The following SEC23A variants were observed in gnomAD, a reference collection of about 807,000 sequenced individuals.
SEC23A encodes protein transport protein Sec23A.
In SEC23A, 56 loss-of-function variants were observed where a neutral mutation model predicts 103.7. The ratio of observed to expected loss-of-function variants is 0.54; its 90% CI spans 0.44 to 0.67. The LOEUF (loss-of-function observed/expected upper bound fraction) is 0.67. Ranked by LOEUF, SEC23A falls within the 30% of genes least tolerant of loss-of-function variation. The probability of loss-of-function intolerance (pLI) is 0.00; values close to 1 mark genes in which losing one functional copy is unlikely to be tolerated. For missense variants in SEC23A, 784 were observed against 936.4 expected, an observed-to-expected ratio of 0.84 and a Z score of 2.12; for synonymous variants, 281 against 293.0, an observed-to-expected ratio of 0.96 and a Z score of 0.42.
chr14:39,102,182 A>C (rs1170768224), intron 1 of SEC23A, among the ~76,000 whole-genome samples: 1 of 151,908 alleles, frequency 6.6e-6, no homozygotes, highest in African/African-American at 2.4e-5. Flanking sequence ...CAGTGAGCCG[A>C]GATTGCGCCA....
chr14:39,040,599 A>G, intron 18 of SEC23A, 133 bp downstream of exon 18: 1 of 1,150,280 alleles, frequency 8.7e-7, no homozygotes. Flanking sequence ...GTAAGCACTG[A>G]TACCTTCCCC....
At chr14:39,044,827 T>C (rs1441831379) in intron 16 of SEC23A, among the ~76,000 whole-genome samples, 1 of 152,180 alleles carries the variant, frequency 6.6e-6, no homozygotes, top group African/African-American at 2.4e-5. Context: ...GTCTACAGAA[T>C]TATAATCACT....
Position 39,055,228 on chromosome 14 carries a change from A to G in SEC23A, c.1574T>C (p.Leu525Pro). The G allele has an allele frequency of 6.2e-7, 1 of 1,614,200 alleles. No individual in the cohort carries two copies. The highest frequency in any genetic ancestry group is 8.5e-7 in the Non-Finnish European group (1 of 1,180,038). The part of the protein sequence containing the change: ...ASFDQEAAAI[L>P]MARLAIYRAE... ...TCTATATATTGCTAGCCGGGCCATAAGAATGGCAGCTGCCTCCTGGTCAAA... is the reference window on the plus strand; with the variant it reads ...TCTATATATTGCTAGCCGGGCCATAGGAATGGCAGCTGCCTCCTGGTCAAA... The change falls in exon 14 of 20, where the codon CTT becomes CCT. Residue 525 changes from leucine (L) to proline (P), a missense_variant. Leu to Pro is a moderately conservative substitution (Grantham distance 98, BLOSUM62 -3). Around this residue, in one of 2 missense-constraint regions of SEC23A, gnomAD observed 683 missense variants for 774.2 expected, o/e 0.88. Transcript: ENST00000307712.
chr14:39,069,000 T>C (rs1886760335), intron 9 of SEC23A, among the ~76,000 whole-genome samples: 1 of 152,210 alleles, frequency 6.6e-6, no homozygotes, highest in Admixed American at 6.5e-5. Context: ...ACCAATAGTT[T>C]ATAAATTCTT....
intron 9 of SEC23A, among the ~76,000 whole-genome samples, chr14:39,070,818 G>C (rs773595349): frequency 6.6e-5 from 10 of 152,146 alleles, no homozygotes; most frequent in Non-Finnish European, 1.3e-4. Flanking sequence ...CCTGAGGTCA[G>C]GAGTCCGAGA....
intron 14 of SEC23A, among the ~76,000 whole-genome samples, chr14:39,049,796 AT>A (rs111327005): frequency 1.4e-4 from 21 of 145,946 alleles, no homozygotes; most frequent in Admixed American, 4.7e-4. Flanking sequence ...GAAAAAAACA[AT>A]TTTTTTTTTT....
At position 39,047,305 on chromosome 14, in the gene SEC23A, C is replaced by A. The variant is rs1188270605; in HGVS notation, c.1737+1347G>T. On this transcript the variant is annotated intron_variant, in intron 15 of 19. Transcript: ENST00000307712. ...ATTTAGTCAAATACTTAGGCTAATG[C>A]CCTCCATCACTTTCCTATTAGTTTC... 5.8e-6 allele frequency: 5 copies of A among 855,120 alleles called. No individual in the cohort carries two copies. The African/African-American group carries it at 7.1e-5, about 12-fold the overall frequency. 53.0% of individuals were successfully genotyped at this position (855,120 alleles called of 1,614,324 possible).
intron 16 of SEC23A, 27 bp from the exon 17 acceptor site, chr14:39,042,899 G>T (rs751952409): frequency 1.4e-6 from 2 of 1,449,776 alleles, no homozygotes; most frequent in South Asian, 1.1e-5. Context: ...AATGAGAAAT[G>T]AGGAAAAAGG....
chr14:39,101,907 T>C (rs1323469623), intron 1 of SEC23A, among the ~76,000 whole-genome samples: 1 of 152,118 alleles, frequency 6.6e-6, no homozygotes, highest in Admixed American at 6.5e-5. Flanking sequence ...AGGTCCCATC[T>C]AACTCTAAAA....
chr14:39,086,731 C>T (rs1887457830), intron 6 of SEC23A, among the ~76,000 whole-genome samples, 198 bp downstream of exon 6: 1 of 152,086 alleles, frequency 6.6e-6, no homozygotes, highest in Admixed American at 6.6e-5. Context: ...AAAGTAACTC[C>T]TTACATTGTT....
chr14:39,034,227 C>A (rs1323785382), intron 19 of SEC23A, among the ~76,000 whole-genome samples: 7 of 152,198 alleles, frequency 4.6e-5, no homozygotes. Flanking sequence ...GGCTCAAATT[C>A]TGGCTCTGCC....
intron 9 of SEC23A, among the ~76,000 whole-genome samples, chr14:39,074,210 C>T (rs1442422149): frequency 6.6e-6 from 1 of 152,116 alleles, no homozygotes; most frequent in Non-Finnish European, 1.5e-5. Flanking sequence ...GCTTTAGAAA[C>T]AGGGTTGGAC....
chr14:39,081,134 G>A (rs759982615), intron 7 of SEC23A, among the ~76,000 whole-genome samples: 1 of 151,612 alleles, frequency 6.6e-6, no homozygotes, highest in Non-Finnish European at 1.5e-5. Context: ...GAGACCAGGA[G>A]TTTGAGGTTG....
At chr14:39,042,716 T>C in intron 17 of SEC23A, 70 bp downstream of exon 17, 2 of 930,420 alleles carry the variant, frequency 2.1e-6, no homozygotes, top group Non-Finnish European at 1.8e-6. Context: ...GCCATACAAT[T>C]AGAAGTAAGA....
At chr14:39,056,856 A>T (rs1446536394) in intron 13 of SEC23A, among the ~76,000 whole-genome samples, 1 of 152,188 alleles carries the variant, frequency 6.6e-6, no homozygotes, top group Non-Finnish European at 1.5e-5. Flanking sequence ...AATCTTCCAA[A>T]GTAAGTGTAA....
At position 39,095,996 on chromosome 14, in the gene SEC23A, C is replaced by A; in HGVS notation, c.123G>T (p.Leu41=). The change falls in exon 2 of 20, where the codon CTG becomes CTT. Residue 41 remains leucine, a synonymous_variant. Transcript: ENST00000307712. ...ATRMVVPVAA[L]FTPLKERPDL... is the part of the protein sequence containing the mutation. ...CAGGTCTCTCTTTCAGTGGTGTAAA[C>A]AGGGCTGCCACAGGAACAACCATTC... is the stretch of plus-strand genomic sequence containing the variant. 6.2e-7 allele frequency: 1 copy of A among 1,614,120 alleles called. No individual in the cohort carries two copies. The highest frequency in any genetic ancestry group is 2.2e-5 in the East Asian group (1 of 44,878).
chr14:39,099,581 G>A (rs749993087), intron 1 of SEC23A, among the ~76,000 whole-genome samples: 7 of 152,134 alleles, frequency 4.6e-5, no homozygotes, highest in Non-Finnish European at 8.8e-5. Context: ...ATAACAAAAT[G>A]TATTAACATT....
intron 7 of SEC23A, among the ~76,000 whole-genome samples, chr14:39,084,803 TG>T (rs1301327485): frequency 6.6e-6 from 1 of 152,180 alleles, no homozygotes; most frequent in Non-Finnish European, 1.5e-5. Flanking sequence ...CCCAAGTAGC[TG>T]GGAGTACAGG....
At chr14:39,040,695 C>A in intron 18 of SEC23A, 37 bp downstream of exon 18, 1 of 1,613,838 alleles carries the variant, frequency 6.2e-7, no homozygotes, top group Non-Finnish European at 8.5e-7. Flanking sequence ...GCAAACCTAA[C>A]AACAAACAAA....
Sources: allele counts gnomAD v4.1 joint callset (sites outside exome capture counted in the v4.1 genomes callset), GRCh38; gene constraint gnomAD v4.1.1; regional missense constraint gnomAD v4.1.1; transcripts MANE v1.5; gene names NCBI Gene and HGNC (gene_info 2026-07-23, HGNC 2026-07-21).